NGEF: variants seen among roughly 807,000 people sequenced by gnomAD.
NGEF encodes ephexin-1.
A neutral mutation model predicts 80.9 loss-of-function variants in NGEF; 31 were observed. That is an observed-to-expected ratio of 0.38 (90% CI 0.29 to 0.52). NGEF has a LOEUF of 0.52. NGEF is among the 20% of genes least tolerant of loss of function. NGEF has a pLI of 0.84. For missense variants in NGEF, 709 were observed against 926.2 expected, an observed-to-expected ratio of 0.77 and a Z score of 3.04; for synonymous variants, 371 against 370.2, an observed-to-expected ratio of 1.00 and a Z score of -0.03.
At chr2:232,947,269 A>G (rs181500324) in intron 3 of NGEF, among the ~76,000 whole-genome samples, 301 of 152,302 alleles carry the variant, frequency 2.0e-3, no homozygotes, top group African/African-American at 6.7e-3. Context: ...TGAAGTACAC[A>G]TCACCCGGAT....
chr2:232,918,799 T>C (rs541142939), intron 5 of NGEF, among the ~76,000 whole-genome samples: 197 of 152,170 alleles, frequency 1.3e-3, no homozygotes, highest in African/African-American at 4.7e-3. Flanking sequence ...CAGCTAACTT[T>C]TGTATTTTTA....
chr2:232,945,402 T>C (rs1010093950), intron 3 of NGEF, among the ~76,000 whole-genome samples: 2 of 152,116 alleles, frequency 1.3e-5, no homozygotes, highest in African/African-American at 4.8e-5. Flanking sequence ...AGGATCCTTG[T>C]TGAAGTGGAT....
chr2:232,894,976 C>T (rs1692012196), intron 5 of NGEF, 60 bp from the exon 6 acceptor site: 1 of 1,514,580 alleles, frequency 6.6e-7, no homozygotes, highest in East Asian at 2.3e-5. Context: ...AGGCGCTAGC[C>T]TTGGCTGAGA....
Position 232,892,524 on chromosome 2 carries a change from T to A in NGEF, c.1142+374A>T, listed in dbSNP as rs1312051097. 3.3e-5 allele frequency among the ~76,000 whole-genome samples: 5 copies of A among 152,192 alleles called. No homozygotes were observed. Among genetic ancestry groups the A allele is most frequent in the African/African-American group, 1.2e-4 (5 of 41,442 alleles). On this transcript the variant is annotated intron_variant, in intron 7 of 14. Transcript: ENST00000264051. This position sits in a 1 kb window ranked among gnomAD's most constrained non-coding sequence, Gnocchi z 4.0. ...CCTTCCCATCCTGTCCCTGCCCTTG[T>A]CGCTAGTTCAAGCCCCGTCTCTGAT...
chr2:232,993,226 A>AAATATATATATTTATTTATATATATAT (rs1342621051), intron 1 of NGEF, among the ~76,000 whole-genome samples: 4 of 42,870 alleles, frequency 9.3e-5, no homozygotes, highest in Non-Finnish European at 1.7e-4. Flanking sequence ...ATAGATACAC[A>AAATATATATATTTATTTATATATATAT]CATATATATG....
intron 5 of NGEF, among the ~76,000 whole-genome samples, chr2:232,909,315 G>A (rs1345318214): frequency 6.6e-6 from 1 of 152,148 alleles, no homozygotes. Context: ...TGGCCTAGCA[G>A]TATGAAATTT....
rs151034589 is a variant in NGEF, at chr2:232,941,075, T to A, written c.384-13889A>T. On this transcript the variant is annotated intron_variant, in intron 3 of 14. Coordinates refer to ENST00000264051, the MANE Select transcript of NGEF (RefSeq NM_019850.3). ...AGCAGAGTTTTTAAGGATAATTTGG[T>A]GGGTGGGGAAAAGCCAATGAGCCAA... Among the ~76,000 whole-genome samples, 1,235 of 152,122 alleles carry A rather than the reference T, an allele frequency of 8.1e-3. 30 individuals carry two copies. The highest frequency in any genetic ancestry group is 0.05 in the Admixed American group (757 of 15,276).
chr2:232,926,563 T>C (rs1473715875), intron 4 of NGEF, among the ~76,000 whole-genome samples: 1 of 152,118 alleles, frequency 6.6e-6, no homozygotes, highest in Non-Finnish European at 1.5e-5. Flanking sequence ...CTGTGCAAAG[T>C]TGGCCACCGC....
At chr2:232,990,063 T>C (rs1352469389) in intron 1 of NGEF, among the ~76,000 whole-genome samples, 2 of 152,168 alleles carry the variant, frequency 1.3e-5, no homozygotes, top group East Asian at 3.8e-4. Context: ...CCAGAAGTTT[T>C]GATCAGCATA....
chr2:232,900,182 TCACA>T lies in NGEF; in HGVS notation c.829-5270_829-5267del, dbSNP rs200272555. Reference sequence around the variant, plus strand: ...CACTCATATACACGTTCACTCACATTCACACACACGCTCTCACAGTCACTCATAT... The same window carrying T: ...CACTCATATACACGTTCACTCACATTCACACGCTCTCACAGTCACTCATAT... On this transcript the variant is annotated intron_variant, in intron 5 of 14. Transcript: ENST00000264051. Among the ~76,000 whole-genome samples, 42 of 59,768 alleles carry T rather than the reference TCACA, an allele frequency of 7.0e-4. 2 individuals are homozygous for T. Among genetic ancestry groups the T allele is most frequent in the Admixed American group, 4.9e-3 (32 of 6,548 alleles). The allele number at this position is 59,768 out of a possible 152,430, so 39.2% of individuals were successfully genotyped here. A position where few individuals can be genotyped will look rare whatever the true frequency, so the allele number is the denominator to read the frequency against.
At chr2:232,913,284 T>C (rs1692726552) in intron 5 of NGEF, among the ~76,000 whole-genome samples, 2 of 152,234 alleles carry the variant, frequency 1.3e-5, no homozygotes, top group Admixed American at 6.5e-5. Context: ...TTCCAAGTGT[T>C]TGGAGATTTT....
At chr2:232,976,777 G>C (rs1694303939) in intron 1 of NGEF, among the ~76,000 whole-genome samples, 1 of 152,218 alleles carries the variant, frequency 6.6e-6, no homozygotes, top group African/African-American at 2.4e-5. Context: ...GAGCTCATGG[G>C]GACCTGGGGA....
At chr2:232,900,466 ACT>A (rs1220784675) in intron 5 of NGEF, among the ~76,000 whole-genome samples, 1 of 60,916 alleles carries the variant, frequency 1.6e-5, no homozygotes. Context: ...ACTCACATTC[ACT>A]CACACACACG....
At chr2:233,012,259 C>T (rs188588735) in intron 1 of NGEF, among the ~76,000 whole-genome samples, 1 of 152,282 alleles carries the variant, frequency 6.6e-6, no homozygotes, top group Admixed American at 6.5e-5. Flanking sequence ...ACAAGTCCCA[C>T]CTCTACACAG....
intron 1 of NGEF, among the ~76,000 whole-genome samples, chr2:232,976,942 G>C (rs1051944438): frequency 6.6e-6 from 1 of 152,226 alleles, no homozygotes; most frequent in Non-Finnish European, 1.5e-5. Flanking sequence ...CAGGTGGCCA[G>C]AGAGGATTGT....
intron 1 of NGEF, among the ~76,000 whole-genome samples, chr2:232,994,060 T>C (rs1694727210): frequency 6.6e-6 from 1 of 152,152 alleles, no homozygotes; most frequent in African/African-American, 2.4e-5. Flanking sequence ...GTGTGAAATG[T>C]AAATTTATCC....
intron 3 of NGEF, among the ~76,000 whole-genome samples, chr2:232,966,806 G>T (rs1156950897): frequency 6.6e-6 from 1 of 152,244 alleles, no homozygotes; most frequent in East Asian, 1.9e-4. Flanking sequence ...TTTGGGTCCG[G>T]GTTGTCAGTT....
chr2:232,993,096 TAA>T (rs1307872032), intron 1 of NGEF, among the ~76,000 whole-genome samples: 1 of 40,978 alleles, frequency 2.4e-5, no homozygotes, highest in South Asian at 1.2e-3. Flanking sequence ...AATATATATA[TAA>T]ATAAATAAAT....
chr2:232,937,369 G>A (rs1693349371), intron 3 of NGEF, among the ~76,000 whole-genome samples: 1 of 152,172 alleles, frequency 6.6e-6, no homozygotes, highest in Admixed American at 6.5e-5. Context: ...CAGCTGCTCT[G>A]TTAATTTTCC....
Sources: gnomAD v4.1 joint callset for allele counts (sites outside exome capture counted in the v4.1 genomes callset) on GRCh38, gnomAD v4.1.1 for gene constraint, Gnocchi (gnomAD v3.1) non-coding constraint, MANE v1.5 for transcripts, NCBI Gene and HGNC (gene_info 2026-07-23, HGNC 2026-07-21) for gene names.